SLC13A5: variants seen among roughly 807,000 people sequenced by gnomAD.
SLC13A5 encodes Na(+)/citrate cotransporter.
A neutral mutation model predicts 56.5 loss-of-function variants in SLC13A5; 25 were observed. The ratio of observed to expected loss-of-function variants is 0.44; its 90% CI spans 0.32 to 0.62. The LOEUF is 0.62. SLC13A5 is among the 20% of genes least tolerant of loss of function. The probability of loss-of-function intolerance (pLI) is 0.04; values close to 1 mark genes in which losing one functional copy is unlikely to be tolerated. For missense variants in SLC13A5, 649 were observed against 737.8 expected (o/e 0.88, Z 1.39); for synonymous variants, 307 against 301.5 (o/e 1.02, Z -0.19).
intron 3 of SLC13A5, 196 bp from the exon 4 acceptor site, chr17:6,704,252 T>G: frequency 1.4e-6 from 1 of 697,834 alleles, no homozygotes; most frequent in Non-Finnish European, 2.6e-6. Context: ...GCTTCCTCCA[T>G]TCCTCTCTCC....
At chr17:6,697,889 C>G (rs1340994706) in intron 6 of SLC13A5, among the ~76,000 whole-genome samples, 1 of 152,192 alleles carries the variant, frequency 6.6e-6, no homozygotes, top group Non-Finnish European at 1.5e-5. Context: ...AGGCCAAGAA[C>G]TTAACCTCGT....
chr17:6,700,347 G>A (rs184295), intron 6 of SLC13A5, among the ~76,000 whole-genome samples: 15,765 of 152,148 alleles, frequency 0.1, 1,073 homozygotes, highest in African/African-American at 0.18. Context: ...AACACCAGAG[G>A]TATTCAGTAA....
Position 6,685,818 on chromosome 17 carries a change from C to T in SLC13A5, c.*389G>A, listed in dbSNP as rs218688. 102,251 of 181,638 alleles carry T rather than the reference C, an allele frequency of 0.56. 30,409 individuals carry two copies. Among genetic ancestry groups the T allele is most frequent in the East Asian group, 0.77 (5,673 of 7,400 alleles). The allele number at this position is 181,638 out of a possible 1,614,324, so 11.3% of individuals were successfully genotyped here. ...TGTCTTAGCTCTCAACCAGGGGATC[C>T]GATTCCCATTTAAACTATCTAGGAC... On this transcript the variant is annotated 3_prime_UTR_variant, in exon 12 of 12. Coordinates refer to ENST00000433363, the MANE Select transcript of SLC13A5 (RefSeq NM_177550.5). This position sits in a 1 kb window ranked among gnomAD's most constrained non-coding sequence, Gnocchi z 4.2.
rs1002728654 is a variant in SLC13A5 at position 6,701,709 on chromosome 17, A to C, written c.717-583T>G. 6.6e-6 allele frequency among the ~76,000 whole-genome samples: 1 copy of C among 152,242 alleles called. No homozygotes were observed. Among genetic ancestry groups the C allele is most frequent in the African/African-American group, 2.4e-5 (1 of 41,460 alleles). On this transcript the variant is annotated intron_variant, in intron 5 of 11. Coordinates refer to ENST00000433363, the MANE Select transcript of SLC13A5 (RefSeq NM_177550.5). This position sits in a 1 kb window ranked among gnomAD's most constrained non-coding sequence, Gnocchi z 4.1. ...TGGGCGACAGAGCGAGACTTGTCTC[A>C]AAAAGAAAAAAAAGAAAAATACACC... is the stretch of plus-strand genomic sequence containing the variant.
intron 3 of SLC13A5, among the ~76,000 whole-genome samples, chr17:6,706,169 G>A (rs1292543827): frequency 1.3e-5 from 2 of 152,324 alleles, no homozygotes; most frequent in African/African-American, 4.8e-5. Flanking sequence ...GAGAGAAGCT[G>A]GGGTACTGAG....
chr17:6,693,229 A>ACACACACACACC (rs1555541364), intron 8 of SLC13A5, 67 bp from the exon 9 acceptor site: 1 of 898,558 alleles, frequency 1.1e-6, no homozygotes, highest in African/African-American at 1.7e-5. Flanking sequence ...ACACACACAC[A>ACACACACACACC]CCAGAGCAGC....
In SLC13A5 at chr17:6,695,838, C is replaced by G. The variant is rs201857984; in HGVS notation, c.943G>C (p.Ala315Pro). ...EYRKLGPLSF[A>P]EINVLICFFL... ...AAGCAGATCAGCACGTTGATCTCCG[C>G]GAAGGACAAGGGCCCCAGCTTCCGG... Residue 315 changes from alanine (A) to proline (P), a missense_variant, in exon 7 of 12, where the codon GCG (alanine) becomes CCG (proline). Physicochemically the swap from Ala to Pro is conservative, Grantham distance 27. Transcript: ENST00000433363. The G allele has an allele frequency of 1.9e-6, 3 of 1,614,150 alleles. No homozygotes were observed. The highest frequency in any genetic ancestry group is 3.3e-5 in the Admixed American group (2 of 60,024).
Position 6,692,179 on chromosome 17 carries a change from GGATGGATGGATAGATAGATGGGTGGATA to G in SLC13A5, c.1275+837_1275+864del, listed in dbSNP as rs1292993035. On this transcript the variant is annotated intron_variant, in intron 9 of 11. Coordinates refer to ENST00000433363, the MANE Select transcript of SLC13A5 (RefSeq NM_177550.5). This position sits in a 1 kb window ranked among gnomAD's most constrained non-coding sequence, Gnocchi z 5.5. Reference sequence around the variant, plus strand: ...TGGATGGATGGATAGATGGGTGGATGGATGGATGGATAGATAGATGGGTGGATAGATAGATGGGTGGATGGATGGACAG... The same window carrying G: ...TGGATGGATGGATAGATGGGTGGATGGATAGATGGGTGGATGGATGGACAG... Among the ~76,000 whole-genome samples the G allele has an allele frequency of 6.6e-6, 1 of 150,500 alleles. No individual in the cohort carries two copies. The highest frequency in any genetic ancestry group is 1.5e-5 in the Non-Finnish European group (1 of 67,652).
rs112859498 is a variant in SLC13A5, at chr17:6,687,489, G to A, written c.1575+40C>T. Reference sequence around the variant, plus strand: ...ATGGGGCATCCCTTATGACAACAGCGTTATAGTCCGACGGGAGTAAATAAA... The same window carrying A: ...ATGGGGCATCCCTTATGACAACAGCATTATAGTCCGACGGGAGTAAATAAA... On this transcript the variant is annotated intron_variant, in intron 11 of 11. Coordinates refer to ENST00000433363, the MANE Select transcript of SLC13A5 (RefSeq NM_177550.5). This position sits in a 1 kb window ranked among gnomAD's most constrained non-coding sequence, Gnocchi z 5.0. 1.2e-3 allele frequency: 1,859 copies of A among 1,611,662 alleles called. 25 individuals are homozygous for A. The African/African-American group carries it at 0.02, about 17-fold the overall frequency.
chr17:6,690,877 C>G lies in SLC13A5; in HGVS notation c.1339G>C (p.Ala447Pro). 1 of 1,614,220 alleles carries G rather than the reference C, an allele frequency of 6.2e-7. No homozygotes were observed. Among genetic ancestry groups the G allele is most frequent in the Non-Finnish European group, 8.5e-7 (1 of 1,180,020 alleles). The change falls in exon 10 of 12, where the codon GCC (alanine) becomes CCC (proline). Residue 447 changes from alanine to proline, a missense_variant. Transcript: ENST00000433363. ...MEPLHAVPPA[A>P]ITLILSLLVA... ...AGCAAGGACAAGATCAAGGTGATGG[C>G]TGCCGGGGGCACTGCGTGCAAGGGC...
chr17:6,703,183 G>A, intron 4 of SLC13A5, 45 bp from the exon 5 acceptor site: 1 of 1,607,328 alleles, frequency 6.2e-7, no homozygotes, highest in Non-Finnish European at 8.5e-7. Context: ...CATGGGGGCT[G>A]CCCACCCAGC....
Position 6,706,779 on chromosome 17 carries a change from C to A in SLC13A5, c.232-1G>T. Reference sequence around the variant, plus strand: ...TGTCCTTCATGTACTGGACACACACCTGGAGCGTGGCACGAAGGCCTCATC... The same window carrying A: ...TGTCCTTCATGTACTGGACACACACATGGAGCGTGGCACGAAGGCCTCATC... On this transcript the variant is annotated splice_acceptor_variant, in intron 2 of 11. Transcript: ENST00000433363. LOFTEE classifies it high-confidence loss of function. The A allele has an allele frequency of 6.2e-7, 1 of 1,614,004 alleles. No homozygotes were observed. The highest frequency in any genetic ancestry group is 8.5e-7 in the Non-Finnish European group (1 of 1,179,974).
intron 6 of SLC13A5, among the ~76,000 whole-genome samples, chr17:6,699,016 C>G (rs1002227463): frequency 6.7e-6 from 1 of 150,084 alleles, no homozygotes; most frequent in Non-Finnish European, 1.5e-5. Flanking sequence ...GCACTCCAGC[C>G]TGGGTGACAG....
In SLC13A5 at chr17:6,713,133, C is replaced by T; in HGVS notation, c.102+99G>A. ...CGCCCCGGGAGAGCTGTGCTCCCCG[C>T]GAAATCCGTGCGCTCCAGCTCAGGG... On this transcript the variant is annotated intron_variant, in intron 1 of 11. Transcript: ENST00000433363. This position sits in a 1 kb window ranked among gnomAD's most constrained non-coding sequence, Gnocchi z 7.3. The T allele has an allele frequency of 8.0e-7, 1 of 1,244,014 alleles. No homozygotes were observed. Among genetic ancestry groups the T allele is most frequent in the South Asian group, 1.3e-5 (1 of 77,182 alleles). The allele number at this position is 1,244,014 out of a possible 1,614,324, so 77.1% of individuals were successfully genotyped here.
Position 6,691,261 on chromosome 17 carries a change from T to C in SLC13A5, c.1276-321A>G, listed in dbSNP as rs529454149. Among the ~76,000 whole-genome samples the C allele has an allele frequency of 3.0e-4, 45 of 152,322 alleles. 1 individual carries two copies. Among genetic ancestry groups the C allele is most frequent in the African/African-American group, 1.1e-3 (44 of 41,578 alleles). ...ATAGCCCAGAATCTGCTTCTCTCTCTGGGCCTCCCAGTTTGGTGAATGGAC... is the reference window on the plus strand; with the variant it reads ...ATAGCCCAGAATCTGCTTCTCTCTCCGGGCCTCCCAGTTTGGTGAATGGAC... On this transcript the variant is annotated intron_variant, in intron 9 of 11. Coordinates refer to ENST00000433363, the MANE Select transcript of SLC13A5 (RefSeq NM_177550.5).
In SLC13A5 at chr17:6,687,531, T is replaced by G; in HGVS notation, c.1573A>C (p.Met525Leu). The part of the protein sequence containing the change: ...FTYGHLKVAD[M>L]VKTGVIMNII... The stretch of plus-strand genomic sequence containing the variant: ...GTAAATAAAAACAGCTGTGTTACCA[T>G]GTCAGCAACCTTGAGGTGCCCATAG... The change falls in exon 11 of 12, where the codon ATG (methionine) becomes CTG (leucine). Residue 525 changes from methionine to leucine, a missense_variant and splice_region_variant. Transcript: ENST00000433363. This position sits in a 1 kb window ranked among gnomAD's most constrained non-coding sequence, Gnocchi z 5.0. The G allele has an allele frequency of 2.5e-6, 4 of 1,613,702 alleles. No individual in the cohort carries two copies. The highest frequency in any genetic ancestry group is 1.1e-5 in the South Asian group (1 of 90,936).
At chr17:6,694,038 G>A in intron 8 of SLC13A5, 59 bp downstream of exon 8, 1 of 1,178,328 alleles carries the variant, frequency 8.5e-7, no homozygotes, top group African/African-American at 1.5e-5. Flanking sequence ...ATCCCATAGT[G>A]ACCCTTTGGT....
Position 6,685,402 on chromosome 17 carries a change from G to C in SLC13A5, c.*805C>G, listed in dbSNP as rs2150959910. ...CCTGGGAGAAAAGGGGGACCCCAGAGGGTGCCAGCCAAGGCGTCTCGGCAA... is the reference window on the plus strand; with the variant it reads ...CCTGGGAGAAAAGGGGGACCCCAGACGGTGCCAGCCAAGGCGTCTCGGCAA... On this transcript the variant is annotated 3_prime_UTR_variant, in exon 12 of 12. Transcript: ENST00000433363. This position sits in a 1 kb window ranked among gnomAD's most constrained non-coding sequence, Gnocchi z 4.2. 1 of 152,390 alleles carries C rather than the reference G, an allele frequency of 6.6e-6. No individual in the cohort carries two copies. The highest frequency in any genetic ancestry group is 1.9e-4 in the East Asian group (1 of 5,194). The allele number at this position is 152,390 out of a possible 1,614,324, so 9.4% of individuals were successfully genotyped here. A position where few individuals can be genotyped will look rare whatever the true frequency, so the allele number is the denominator to read the frequency against.
intron 2 of SLC13A5, 88 bp downstream of exon 2, chr17:6,706,940 C>A: frequency 1.3e-6 from 2 of 1,587,218 alleles, no homozygotes; most frequent in East Asian, 2.2e-5. Context: ...TTCCGGTCAC[C>A]CCCAGGCCTG....
Sources: gnomAD v4.1 joint callset for allele counts (sites outside exome capture counted in the v4.1 genomes callset) on GRCh38, gnomAD v4.1.1 for gene constraint, Gnocchi (gnomAD v3.1) non-coding constraint, MANE v1.5 for transcripts, NCBI Gene and HGNC (gene_info 2026-07-23, HGNC 2026-07-21) for gene names.